BMAL1: variants seen among roughly 807,000 people sequenced by gnomAD.
BMAL1 encodes basic helix-loop-helix ARNT like 1, also known as basic helix-loop-helix ARNT-like protein 1.
chr11:13,359,993 G>A, the BMAL1 span, among the ~76,000 whole-genome samples: 1 of 152,194 alleles, frequency 6.6e-6, no homozygotes, highest in African/African-American at 2.4e-5. Flanking sequence ...GATCTTAGGA[G>A]GAGGGAACTC....
the BMAL1 span, among the ~76,000 whole-genome samples, chr11:13,351,420 C>T: frequency 6.6e-6 from 1 of 152,198 alleles, no homozygotes. Flanking sequence ...AGTTTAACAT[C>T]TCTCTTGTAT....
At chr11:13,379,709 T>G in the BMAL1 span, 1 of 152,162 alleles carries the variant, frequency 6.6e-6, no homozygotes, top group African/African-American at 2.4e-5. Flanking sequence ...GGGTTTGCAA[T>G]AAGAGTGGAT....
At chr11:13,374,469 A>C in the BMAL1 span, among the ~76,000 whole-genome samples, 1 of 152,176 alleles carries the variant, frequency 6.6e-6, no homozygotes, top group Non-Finnish European at 1.5e-5. Context: ...AAGATTTAGT[A>C]TGGCCCAGAC....
At chr11:13,364,731 G>C in the BMAL1 span, among the ~76,000 whole-genome samples, 1 of 152,132 alleles carries the variant, frequency 6.6e-6, no homozygotes, top group Non-Finnish European at 1.5e-5. Context: ...ACCAAATGTT[G>C]TCCTATCTTA....
chr11:13,382,796 C>T, the BMAL1 span, among the ~76,000 whole-genome samples: 1 of 152,146 alleles, frequency 6.6e-6, no homozygotes, highest in Non-Finnish European at 1.5e-5. Context: ...GTGACAAGAT[C>T]CAGGCTCCTC....
chr11:13,279,307 C>T, the BMAL1 span, among the ~76,000 whole-genome samples: 1 of 152,268 alleles, frequency 6.6e-6, no homozygotes, highest in African/African-American at 2.4e-5. Flanking sequence ...TTTTATTAAA[C>T]ATCCATAAAA....
chr11:13,358,751 A>C, the BMAL1 span, among the ~76,000 whole-genome samples: 4 of 152,202 alleles, frequency 2.6e-5, no homozygotes, highest in Admixed American at 1.3e-4. Flanking sequence ...ATGCCAAATG[A>C]AGTGATTATT....
the BMAL1 span, among the ~76,000 whole-genome samples, chr11:13,318,720 C>T: frequency 4.6e-5 from 7 of 152,136 alleles, no homozygotes; most frequent in East Asian, 1.4e-3. Context: ...ACTCTGAGCA[C>T]TGTGGCCACA....
chr11:13,378,231 T>TGTTGAA, the BMAL1 span: 45 of 1,400,564 alleles, frequency 3.2e-5, no homozygotes, highest in Non-Finnish European at 4.1e-5. Flanking sequence ...ACAACTCTGA[T>TGTTGAA]GTTGAACTGC....
At chr11:13,354,172 G>A in the BMAL1 span, 1 of 1,026,640 alleles carries the variant, frequency 9.7e-7, no homozygotes, top group South Asian at 1.4e-5. Flanking sequence ...TAGTGCTGCT[G>A]TAAACCAGCC....
the BMAL1 span, among the ~76,000 whole-genome samples, chr11:13,297,708 G>C: frequency 3.3e-5 from 5 of 152,310 alleles, no homozygotes; most frequent in African/African-American, 1.2e-4. Context: ...GGCCTATGCT[G>C]TTCATTCCAT....
the BMAL1 span, among the ~76,000 whole-genome samples, chr11:13,363,561 G>A: frequency 9.9e-5 from 15 of 152,158 alleles, no homozygotes; most frequent in Non-Finnish European, 2.9e-5. Flanking sequence ...CAGTTTGGCC[G>A]CAGGAGCTGG....
chr11:13,310,486 A>G, the BMAL1 span, among the ~76,000 whole-genome samples: 1 of 152,184 alleles, frequency 6.6e-6, no homozygotes, highest in South Asian at 2.1e-4. Context: ...ACGGGCAAGA[A>G]CTGTGGTGGG....
chr11:13,340,983 G>A, the BMAL1 span, among the ~76,000 whole-genome samples: 6 of 152,202 alleles, frequency 3.9e-5, no homozygotes, highest in Non-Finnish European at 7.3e-5. Context: ...CCTAGGACAT[G>A]CAGCTAGTAA....
the BMAL1 span, among the ~76,000 whole-genome samples, chr11:13,284,077 G>GGGGTGTGTGT: frequency 2.3e-5 from 2 of 85,632 alleles, no homozygotes; most frequent in African/African-American, 1.1e-4. Context: ...ACAGTGTTGG[G>GGGGTGTGTGT]GTGTGTGTGT....
chr11:13,366,831 A>G, the BMAL1 span: 1 of 1,505,000 alleles, frequency 6.6e-7, no homozygotes, highest in Non-Finnish European at 9.2e-7. Context: ...ACTCACAGGC[A>G]GCCAACCCTG....
the BMAL1 span, among the ~76,000 whole-genome samples, chr11:13,320,038 C>T: frequency 6.6e-6 from 1 of 152,220 alleles, no homozygotes; most frequent in Non-Finnish European, 1.5e-5. Context: ...ATAGATTTCT[C>T]ACAGGAGTGC....
chr11:13,316,548 C>T, the BMAL1 span, among the ~76,000 whole-genome samples: 1 of 152,142 alleles, frequency 6.6e-6, no homozygotes, highest in Non-Finnish European at 1.5e-5. Flanking sequence ...GTTGTTATGA[C>T]TTCCCAGACC....
At chr11:13,372,687 G>A in the BMAL1 span, among the ~76,000 whole-genome samples, 1 of 152,098 alleles carries the variant, frequency 6.6e-6, no homozygotes, top group Non-Finnish European at 1.5e-5. Context: ...ACACATACCT[G>A]TAGTCCCATC....
Sources: allele counts gnomAD v4.1 joint callset (sites outside exome capture counted in the v4.1 genomes callset), GRCh38; gene constraint gnomAD v4.1.1; transcripts MANE v1.5; gene names NCBI Gene and HGNC (gene_info 2026-07-23, HGNC 2026-07-21).